The following KLRG1 variants were observed in gnomAD, a reference collection of about 807,000 sequenced individuals.
KLRG1 encodes the protein killer cell lectin-like receptor subfamily G member 1.
KLRG1 carries 16 observed loss-of-function variants against 21.8 expected under a neutral mutation model. The ratio of observed to expected loss-of-function variants is 0.73; its 90% CI spans 0.50 to 1.11. The LOEUF (loss-of-function observed/expected upper bound fraction) is 1.11, where lower values mean the gene tolerates loss of function less well. Among genes scored for constraint, KLRG1 ranks in the 50% most tolerant of loss-of-function variants. The pLI, the probability that KLRG1 is intolerant of heterozygous loss-of-function variation, is 0.00. For synonymous variants in KLRG1, 69 were observed against 75.9 expected (o/e 0.91, Z 0.47); for missense variants, 173 against 218.3 (o/e 0.79, Z 1.31).
chr12:9,210,810 A>G, the KLRG1 span, among the ~76,000 whole-genome samples: 23 of 152,086 alleles, frequency 1.5e-4, no homozygotes, highest in Non-Finnish European at 2.5e-4. Flanking sequence ...ATATGTTTAT[A>G]TGTATGTATT....
At chr12:9,126,354 T>C in the KLRG1 span, among the ~76,000 whole-genome samples, 1 of 152,234 alleles carries the variant, frequency 6.6e-6, no homozygotes, top group Admixed American at 6.5e-5. Flanking sequence ...TTAGATTTCA[T>C]ATTTAGGACA....
the KLRG1 span, chr12:9,064,936 C>G: frequency 6.6e-6 from 1 of 152,350 alleles, no homozygotes; most frequent in East Asian, 1.9e-4. The surrounding 1 kb of genome is among the most constrained non-coding windows in gnomAD (Gnocchi z 4.0). Flanking sequence ...GTCCTCCCGG[C>G]ACTGGGGTGA....
the KLRG1 span, chr12:9,157,030 C>G: frequency 1.6e-6 from 1 of 641,666 alleles, no homozygotes; most frequent in Non-Finnish European, 2.5e-6. Context: ...CAGCCCATCA[C>G]CTGGTTATTA....
At chr12:9,112,577 G>A in the KLRG1 span, 22 of 1,608,930 alleles carry the variant, frequency 1.4e-5, no homozygotes, top group Middle Eastern at 1.9e-4. Context: ...TTCAGCACCC[G>A]CAGGTCTCCT....
chr12:9,044,181 A>G, the KLRG1 span, among the ~76,000 whole-genome samples: 1 of 152,230 alleles, frequency 6.6e-6, no homozygotes, highest in South Asian at 2.1e-4. Context: ...AATTTCAAGG[A>G]TCTTAAAATG....
the KLRG1 span, among the ~76,000 whole-genome samples, chr12:9,022,729 A>G: frequency 6.6e-6 from 1 of 151,608 alleles, no homozygotes; most frequent in Non-Finnish European, 1.5e-5. Flanking sequence ...CCTCTGTAAT[A>G]TATGCCTACG....
the KLRG1 span, among the ~76,000 whole-genome samples, chr12:9,026,567 T>G: frequency 6.6e-6 from 1 of 152,210 alleles, no homozygotes; most frequent in Non-Finnish European, 1.5e-5. Flanking sequence ...CATTTGTGCT[T>G]TCCACACTAT....
At chr12:8,971,182 A>G (rs1190791142) in intron 1 of KLRG1, 1 of 152,032 alleles carries the variant, frequency 6.6e-6, no homozygotes, top group Non-Finnish European at 1.5e-5. Flanking sequence ...AAAGTTTAAT[A>G]TAGTATGCTA....
the KLRG1 span, chr12:9,157,106 A>G: frequency 1.1e-5 from 16 of 1,460,776 alleles, no homozygotes; most frequent in Middle Eastern, 1.8e-4. Context: ...ACAGGCCCCA[A>G]TGTGTGCTGT....
chr12:9,162,556 G>A, the KLRG1 span: 1 of 1,409,464 alleles, frequency 7.1e-7, no homozygotes, highest in Non-Finnish European at 9.9e-7. Flanking sequence ...ATACCCCTTT[G>A]TGGTTTTGAT....
the KLRG1 span, among the ~76,000 whole-genome samples, chr12:9,024,331 C>A: frequency 6.6e-6 from 1 of 151,992 alleles, no homozygotes; most frequent in Non-Finnish European, 1.5e-5. Context: ...CTGGCCAACA[C>A]ATGGGTTTAT....
At chr12:9,095,604 T>C in the KLRG1 span, 1 of 1,611,992 alleles carries the variant, frequency 6.2e-7, no homozygotes, top group Non-Finnish European at 8.5e-7. Context: ...ATTCCATTAA[T>C]ATAGACATTA....
the KLRG1 span, among the ~76,000 whole-genome samples, chr12:9,037,641 G>A: frequency 1.3e-5 from 2 of 152,164 alleles, no homozygotes; most frequent in African/African-American, 2.4e-5. Flanking sequence ...CTCACCCAGA[G>A]CAACTTCCAG....
At chr12:9,150,523 A>G in the KLRG1 span, 1 of 665,954 alleles carries the variant, frequency 1.5e-6, no homozygotes, top group Non-Finnish European at 2.5e-6. Context: ...TATAGTGTAC[A>G]TCTTGGAGGA....
chr12:9,182,094 A>G, the KLRG1 span: 3 of 1,605,832 alleles, frequency 1.9e-6, no homozygotes, highest in East Asian at 6.7e-5. Flanking sequence ...TCCACAGGGA[A>G]GGATAAGGCA....
the KLRG1 span, among the ~76,000 whole-genome samples, chr12:9,019,689 G>T: frequency 1.3e-5 from 2 of 152,108 alleles, no homozygotes; most frequent in Non-Finnish European, 2.9e-5. Flanking sequence ...CTCAGGAAAT[G>T]GCTCTACCAT....
At chr12:9,146,683 G>A in the KLRG1 span, among the ~76,000 whole-genome samples, 1 of 152,124 alleles carries the variant, frequency 6.6e-6, no homozygotes, top group Non-Finnish European at 1.5e-5. Flanking sequence ...TGGAGGTTGT[G>A]GGAGATTCTA....
At chr12:9,202,464 C>G in the KLRG1 span, 1 of 1,612,426 alleles carries the variant, frequency 6.2e-7, no homozygotes, top group South Asian at 1.1e-5. Flanking sequence ...ATAATGGAGA[C>G]TTTGGCTGTT....
the KLRG1 span, chr12:9,057,500 C>T: frequency 1.3e-5 from 2 of 152,358 alleles, no homozygotes; most frequent in African/African-American, 2.4e-5. Flanking sequence ...CTTGTACCCC[C>T]TAAATCTATA....
Sources: allele counts gnomAD v4.1 joint callset (sites outside exome capture counted in the v4.1 genomes callset), GRCh38; gene constraint gnomAD v4.1.1; non-coding constraint Gnocchi (gnomAD v3.1); transcripts MANE v1.5; gene names NCBI Gene and HGNC (gene_info 2026-07-23, HGNC 2026-07-21).